Variants in CSNK1G3 observed in about 807,000 individuals in gnomAD.
CSNK1G3 encodes the protein casein kinase 1 gamma 3.
CSNK1G3 carries 23 observed loss-of-function variants against 64.3 expected under a neutral mutation model. The ratio of observed to expected loss-of-function variants is 0.36; its 90% confidence interval spans 0.26 to 0.51. CSNK1G3 has a LOEUF of 0.51. Ranked by LOEUF, CSNK1G3 falls within the 20% of genes least tolerant of loss-of-function variation. The probability of loss-of-function intolerance (pLI) is 0.96; values close to 1 mark genes in which losing one functional copy is unlikely to be tolerated. For missense variants in CSNK1G3, 357 were observed against 510.5 expected (o/e 0.70, Z 2.90); for synonymous variants, 158 against 162.2 (o/e 0.97, Z 0.20).
intron 4 of CSNK1G3, among the ~76,000 whole-genome samples, chr5:123,565,440 G>C (rs1179936766): frequency 6.6e-6 from 1 of 152,166 alleles, no homozygotes; most frequent in Non-Finnish European, 1.5e-5. Context: ...AAAAAAGATA[G>C]GGTGATACTG....
At chr5:123,602,018 A>C (rs1794586709) in intron 10 of CSNK1G3, among the ~76,000 whole-genome samples, 1 of 152,202 alleles carries the variant, frequency 6.6e-6, no homozygotes, top group Non-Finnish European at 1.5e-5. Context: ...AATTAGAAAA[A>C]ATAATTATTT....
intron 2 of CSNK1G3, among the ~76,000 whole-genome samples, chr5:123,551,384 A>T (rs1783608132): frequency 6.6e-6 from 1 of 152,208 alleles, no homozygotes. Flanking sequence ...ATTTTTAAAA[A>T]TATGTATATA....
rs778435778 is a variant in CSNK1G3 at position 123,591,434 on chromosome 5, T to C, written c.1086+20T>C. 2 of 1,507,210 alleles carry C rather than the reference T, an allele frequency of 1.3e-6. No individual in the cohort carries two copies. The highest frequency in any genetic ancestry group is 1.4e-5 in the African/African-American group (1 of 72,160). The allele number at this position is 1,507,210 out of a possible 1,614,324, so 93.4% of individuals were successfully genotyped here. Reference sequence around the variant, plus strand: ...AACCAGGTTTGCTGCCCTTTAGATATGAAATACCTTCCTTTCATGATTGAA... The same window carrying C: ...AACCAGGTTTGCTGCCCTTTAGATACGAAATACCTTCCTTTCATGATTGAA... On this transcript the variant is annotated intron_variant, in intron 10 of 12. Transcript: ENST00000345990.
At chr5:123,572,008 TGA>T (rs1035643474) in intron 4 of CSNK1G3, among the ~76,000 whole-genome samples, 15 of 152,322 alleles carry the variant, frequency 9.8e-5, no homozygotes, top group Admixed American at 3.3e-4. Context: ...TAAGTTGTTT[TGA>T]GAGAGTTACC....
At chr5:123,583,131 G>A (rs532528921) in intron 6 of CSNK1G3, among the ~76,000 whole-genome samples, 1 of 152,150 alleles carries the variant, frequency 6.6e-6, no homozygotes, top group Non-Finnish European at 1.5e-5. Context: ...AAGAGGAAGT[G>A]CCTTTTATAT....
chr5:123,512,549 T>C (rs1199032572), exon 1 of CSNK1G3: 1 of 151,164 alleles, frequency 6.6e-6, no homozygotes, highest in Non-Finnish European at 1.5e-5. Context: ...CCGACCCCTC[T>C]GCTCGCGGCC....
intron 4 of CSNK1G3, among the ~76,000 whole-genome samples, chr5:123,560,931 T>C (rs1347805593): frequency 6.6e-6 from 1 of 152,190 alleles, no homozygotes; most frequent in East Asian, 1.9e-4. Context: ...ATGTACTTAA[T>C]GCCACTGAAC....
chr5:123,540,733 A>G (rs991119609), intron 1 of CSNK1G3, among the ~76,000 whole-genome samples: 6 of 152,084 alleles, frequency 3.9e-5, no homozygotes, highest in African/African-American at 1.4e-4. Context: ...CCCAGGTTCA[A>G]TCGATTTTGC....
At chr5:123,570,440 A>T (rs902511155) in intron 4 of CSNK1G3, among the ~76,000 whole-genome samples, 2 of 142,278 alleles carry the variant, frequency 1.4e-5, no homozygotes, top group African/African-American at 5.3e-5. Flanking sequence ...TGCAACCTCC[A>T]CCTCCTGGGT....
At chr5:123,585,412 A>T (rs1791143485) in intron 6 of CSNK1G3, among the ~76,000 whole-genome samples, 1 of 152,176 alleles carries the variant, frequency 6.6e-6, no homozygotes, top group Admixed American at 6.5e-5. Context: ...GTGGGTAGAG[A>T]TTTCCTAGAT....
rs1795059102 is a variant in CSNK1G3 at position 123,604,745 on chromosome 5, G to T, written c.1108G>T (p.Glu370Ter). The change falls in exon 11 of 13, where the codon GAG becomes TAG. Residue 370 changes from glutamate to a stop codon, truncating the protein, a stop_gained. Transcript: ENST00000345990. LOFTEE classifies it high-confidence loss of function. ...ACAGGTTGTAAGTTCTACAAATGGA[G>T]AGTTAAACACAGATGACCCCACCGC... The T allele has an allele frequency of 6.2e-7, 1 of 1,610,250 alleles. No individual in the cohort carries two copies. Among genetic ancestry groups the T allele is most frequent in the South Asian group, 1.1e-5 (1 of 90,672 alleles).
intron 6 of CSNK1G3, among the ~76,000 whole-genome samples, chr5:123,583,572 C>G (rs972038379): frequency 1.3e-5 from 2 of 150,146 alleles, no homozygotes; most frequent in Non-Finnish European, 3.0e-5. Flanking sequence ...GCATGTTGGT[C>G]AGGCTGCTCT....
At chr5:123,563,053 T>C (rs1047247160) in intron 4 of CSNK1G3, among the ~76,000 whole-genome samples, 3 of 152,000 alleles carry the variant, frequency 2.0e-5, no homozygotes, top group Admixed American at 6.6e-5. Flanking sequence ...ATAGGCTACA[T>C]TAGGAGAAAC....
intron 10 of CSNK1G3, 90 bp downstream of exon 11, chr5:123,595,224 A>G: frequency 8.3e-7 from 1 of 1,201,126 alleles, no homozygotes; most frequent in Non-Finnish European, 1.2e-6. Flanking sequence ...TTCATATCTT[A>G]ATGGAAAATT....
chr5:123,565,302 T>G (rs1244777898), intron 4 of CSNK1G3, among the ~76,000 whole-genome samples: 1 of 152,186 alleles, frequency 6.6e-6, no homozygotes, highest in Middle Eastern at 3.2e-3. Flanking sequence ...TATTACTGAC[T>G]TCCTGCAAGG....
chr5:123,512,617 C>G (rs1242495418), intron 1 of CSNK1G3, 47 bp downstream of exon 1: 1 of 146,756 alleles, frequency 6.8e-6, no homozygotes, highest in African/African-American at 2.5e-5. Context: ...CCCGGCCCGG[C>G]GGCTGCCTCG....
At chr5:123,566,640 G>A (rs1425127983) in intron 4 of CSNK1G3, among the ~76,000 whole-genome samples, 19 of 151,954 alleles carry the variant, frequency 1.3e-4, no homozygotes, top group Admixed American at 1.2e-3. Context: ...TTTGTTAATT[G>A]CAATTCTTCT....
chr5:123,527,023 T>C (rs1779216879), intron 1 of CSNK1G3, among the ~76,000 whole-genome samples: 1 of 152,184 alleles, frequency 6.6e-6, no homozygotes, highest in Admixed American at 6.5e-5. Flanking sequence ...ACTGGCAATA[T>C]AGAAGAGTTC....
At chr5:123,546,804 C>T (rs926235678) in intron 2 of CSNK1G3, among the ~76,000 whole-genome samples, 3 of 152,088 alleles carry the variant, frequency 2.0e-5, no homozygotes, top group African/African-American at 7.2e-5. Flanking sequence ...TGTAGTGACT[C>T]ATTCATCTTA....
Sources: allele counts gnomAD v4.1 joint callset (sites outside exome capture counted in the v4.1 genomes callset), GRCh38; gene constraint gnomAD v4.1.1; transcripts MANE v1.5; gene names NCBI Gene and HGNC (gene_info 2026-07-23, HGNC 2026-07-21).